Variants in CFAP251 observed in about 807,000 individuals in gnomAD.
CFAP251 encodes cilia- and flagella-associated protein 251.
Under a neutral mutation model 126.7 loss-of-function variants are expected in CFAP251, and 93 were observed. The ratio of observed to expected loss-of-function variants is 0.73; its 90% CI spans 0.62 to 0.87. The LOEUF (loss-of-function observed/expected upper bound fraction) is 0.87. CFAP251 is among the 40% of genes least tolerant of loss of function. CFAP251 has a pLI of 0.00. For missense variants in CFAP251, 1,287 were observed against 1,389.2 expected, an observed-to-expected ratio of 0.93 and a Z score of 1.17; for synonymous variants, 503 against 506.9, an observed-to-expected ratio of 0.99 and a Z score of 0.10.
At chr12:121,947,139 C>T (rs1193199176) in intron 7 of CFAP251, among the ~76,000 whole-genome samples, 1 of 152,110 alleles carries the variant, frequency 6.6e-6, no homozygotes, top group Non-Finnish European at 1.5e-5. Flanking sequence ...ATTTTCTATC[C>T]TTTCATCTGT....
intron 15 of CFAP251, among the ~76,000 whole-genome samples, chr12:121,965,568 G>A (rs189363635): frequency 3.9e-5 from 6 of 152,122 alleles, no homozygotes; most frequent in Admixed American, 2.0e-4. Flanking sequence ...ACTGGAACAC[G>A]ATGCTGCTTT....
chr12:121,952,305 A>AGCTACT (rs973547651), intron 9 of CFAP251, among the ~76,000 whole-genome samples: 6 of 147,890 alleles, frequency 4.1e-5, no homozygotes, highest in African/African-American at 1.5e-4. Flanking sequence ...CTGTGGTCCC[A>AGCTACT]GCTACTCGGG....
intron 11 of CFAP251, 148 bp from the exon 12 acceptor site, chr12:121,958,124 T>C: frequency 1.7e-6 from 2 of 1,171,024 alleles, no homozygotes; most frequent in East Asian, 4.7e-5. Flanking sequence ...CTGTTGGGTA[T>C]TGGTGGTATA....
intron 17 of CFAP251, among the ~76,000 whole-genome samples, chr12:121,973,187 T>C (rs554563696): frequency 2.0e-5 from 3 of 152,326 alleles, no homozygotes; most frequent in Admixed American, 2.0e-4. Flanking sequence ...GGGGCCAACA[T>C]AGAGCTCAGG....
At position 121,980,046 on chromosome 12, in the gene CFAP251, T is replaced by C. The variant is rs78051394; in HGVS notation, c.3006+4361T>C. The stretch of plus-strand genomic sequence containing the variant: ...CTTTCTGCTGTGTTGTCTCCCTCCG[T>C]GTCCGGCCCCCAGTCCACATCCAGT... On this transcript the variant is annotated intron_variant, in intron 19 of 21. Coordinates refer to ENST00000288912, the MANE Select transcript of CFAP251 (RefSeq NM_144668.6). Among the ~76,000 whole-genome samples the C allele has an allele frequency of 1.3e-3, 191 of 152,344 alleles. 5 individuals carry two copies. The East Asian group carries it at 0.035, about 28-fold the overall frequency.
rs1881898147 is a variant in CFAP251 at position 121,960,577 on chromosome 12, A to G, written c.2134-8A>G. ...TGGGATAACTCCTTCTCTTTTGCTCATCTTCAGGATAGAAGTTTTACTGTG... is the reference window on the plus strand; with the variant it reads ...TGGGATAACTCCTTCTCTTTTGCTCGTCTTCAGGATAGAAGTTTTACTGTG... On this transcript the variant is annotated splice_region_variant and splice_polypyrimidine_tract_variant and intron_variant, in intron 13 of 21. Transcript: ENST00000288912. 2 of 1,613,802 alleles carry G rather than the reference A, an allele frequency of 1.2e-6. No homozygotes were observed.
At chr12:121,978,787 G>A (rs367748639) in intron 19 of CFAP251, among the ~76,000 whole-genome samples, 25 of 152,118 alleles carry the variant, frequency 1.6e-4, no homozygotes, top group Admixed American at 1.4e-3. Context: ...GTTGATAGCC[G>A]TGTGAGTTGT....
Position 121,975,603 on chromosome 12 carries a change from C to T in CFAP251, c.2924C>T (p.Thr975Ile), listed in dbSNP as rs769443092. The change falls in exon 19 of 22, where the codon ACC (threonine) becomes ATC (isoleucine). Residue 975 changes from threonine to isoleucine, a missense_variant. By Grantham distance (89) the Thr-to-Ile change is moderately conservative (BLOSUM62 -1). Transcript: ENST00000288912. ...LRSQGIDTME[T>I]RKVSEHICLS... is the part of the protein sequence containing the mutation. Reference sequence around the variant, plus strand: ...AGTCAAGGCATCGACACAATGGAGACCAGAAAGGTGTCAGAACACATTTGC... The same window carrying T: ...AGTCAAGGCATCGACACAATGGAGATCAGAAAGGTGTCAGAACACATTTGC... 10 of 1,604,484 alleles carry T rather than the reference C, an allele frequency of 6.2e-6. No homozygotes were observed. In the South Asian group the frequency reaches 1.1e-4, roughly 18 times the overall value.
At chr12:121,958,768 G>C (rs909731159) in intron 12 of CFAP251, among the ~76,000 whole-genome samples, 175 bp from the exon 13 acceptor site, 1 of 152,236 alleles carries the variant, frequency 6.6e-6, no homozygotes, top group African/African-American at 2.4e-5. Flanking sequence ...GGGCCTATCT[G>C]TGCGTCTCTG....
At chr12:121,971,515 G>A (rs1409464727) in intron 17 of CFAP251, 9 of 702,084 alleles carry the variant, frequency 1.3e-5, no homozygotes, top group African/African-American at 1.2e-4. Context: ...GCCGGGGCCT[G>A]CACTGAGTGA....
chr12:121,939,236 G>A (rs1881010039), intron 5 of CFAP251, among the ~76,000 whole-genome samples: 1 of 152,050 alleles, frequency 6.6e-6, no homozygotes, highest in Non-Finnish European at 1.5e-5. Flanking sequence ...ACTGTCCATT[G>A]TCAAATCAAC....
At position 121,958,992 on chromosome 12, in the gene CFAP251, T is replaced by A; in HGVS notation, c.2031T>A (p.Asp677Glu). The A allele has an allele frequency of 1.2e-6, 2 of 1,611,942 alleles. No homozygotes were observed. The highest frequency in any genetic ancestry group is 2.2e-5 in the South Asian group (2 of 90,604). ...CAGAGGGGACAGTTTACATTCTTGATGCAATGTCTTTAGAAAATGAAAGCC... is the reference window on the plus strand; with the variant it reads ...CAGAGGGGACAGTTTACATTCTTGAAGCAATGTCTTTAGAAAATGAAAGCC... ...GFTEGTVYIL[D>E]AMSLENESPE... The change falls in exon 13 of 22, where the codon GAT becomes GAA. Residue 677 changes from aspartate (D) to glutamate (E), a missense_variant. Coordinates refer to ENST00000288912, the MANE Select transcript of CFAP251 (RefSeq NM_144668.6).
chr12:121,971,435 T>A (rs921636305), intron 17 of CFAP251: 12 of 670,192 alleles, frequency 1.8e-5, no homozygotes, highest in Middle Eastern at 7.1e-4. Flanking sequence ...CTAAGAAAGG[T>A]GTAGGAGTGT....
rs1477976765 is a variant in CFAP251 at position 121,921,419 on chromosome 12, G to A, written c.114G>A (p.Gln38=). Residue 38 remains glutamine (Q), a synonymous_variant, in exon 2 of 22, where the codon CAG becomes CAA. Transcript: ENST00000288912. ...ATAAAGAAGTAGAAGATCCACAACAGGAATCAAAAGATGACACAATAGCAT... is the reference window on the plus strand; with the variant it reads ...ATAAAGAAGTAGAAGATCCACAACAAGAATCAAAAGATGACACAATAGCAT... ...PNYKEVEDPQ[Q]ESKDDTIAWR... is the part of the protein sequence containing the mutation. 1.2e-6 allele frequency: 2 copies of A among 1,613,648 alleles called. No homozygotes were observed. The highest frequency in any genetic ancestry group is 2.2e-5 in the East Asian group (1 of 44,888).
At chr12:121,958,848 T>TG (rs1881827436) in intron 12 of CFAP251, 95 bp from the exon 13 acceptor site, 1 of 1,406,714 alleles carries the variant, frequency 7.1e-7, no homozygotes, top group South Asian at 1.4e-5. Flanking sequence ...TGTTAGTTGC[T>TG]GTCTTCTCCG....
intron 14 of CFAP251, 105 bp downstream of exon 14, chr12:121,960,863 T>C: frequency 7.4e-7 from 1 of 1,346,148 alleles, no homozygotes; most frequent in East Asian, 2.3e-5. Context: ...GTGTGTTTGT[T>C]GGAGAAAATG....
intron 14 of CFAP251, 71 bp downstream of exon 14, chr12:121,960,829 T>G: frequency 6.5e-7 from 1 of 1,545,156 alleles, no homozygotes. Context: ...CCTGGCATCT[T>G]GCATAGAGCC....
intron 3 of CFAP251, among the ~76,000 whole-genome samples, chr12:121,928,674 A>ACGATACG (rs56845070): frequency 5.6e-5 from 1 of 17,794 alleles, no homozygotes; most frequent in African/African-American, 6.5e-4. Flanking sequence ...ATATACGTAT[A>ACGATACG]TATATATATA....
At chr12:121,970,747 C>T (rs186076079) in intron 17 of CFAP251, among the ~76,000 whole-genome samples, 2 of 152,336 alleles carry the variant, frequency 1.3e-5, no homozygotes, top group East Asian at 3.9e-4. Flanking sequence ...AAGAAGGTCA[C>T]GGACAGCGGC....
Sources: allele counts gnomAD v4.1 joint callset (sites outside exome capture counted in the v4.1 genomes callset), GRCh38; gene constraint gnomAD v4.1.1; transcripts MANE v1.5; gene names NCBI Gene and HGNC (gene_info 2026-07-23, HGNC 2026-07-21).